Variants in RHOT1 observed in about 807,000 individuals in gnomAD.
RHOT1 encodes ras homolog family member T1, also known as mitochondrial Rho GTPase 1.
RHOT1 carries 27 observed loss-of-function variants against 95.3 expected under a neutral mutation model. That is an observed-to-expected ratio of 0.28 (90% confidence interval 0.21 to 0.39). The LOEUF (loss-of-function observed/expected upper bound fraction) is 0.39, where lower values mean the gene tolerates loss of function less well. RHOT1 is among the 10% of genes least tolerant of loss of function. RHOT1 has a pLI of 1.00. For missense variants in RHOT1, 578 were observed against 786.7 expected (o/e 0.73, Z 3.17); for synonymous variants, 227 against 263.5 (o/e 0.86, Z 1.34).
At chr17:32,200,539 A>G (rs2037234751) in intron 13 of RHOT1, among the ~76,000 whole-genome samples, 1 of 152,062 alleles carries the variant, frequency 6.6e-6, no homozygotes, top group African/African-American at 2.4e-5. Context: ...TGGATGGATC[A>G]CTTGAGCTCA....
At chr17:32,152,731 A>G (rs1246848058) in intron 1 of RHOT1, among the ~76,000 whole-genome samples, 1 of 152,158 alleles carries the variant, frequency 6.6e-6, no homozygotes, top group Non-Finnish European at 1.5e-5. Flanking sequence ...GGATTAAGGA[A>G]CAAGTGCTTT....
intron 8 of RHOT1, among the ~76,000 whole-genome samples, chr17:32,183,692 C>A (rs536301105): frequency 3.3e-5 from 5 of 151,752 alleles, no homozygotes; most frequent in Non-Finnish European, 7.4e-5. Context: ...TGTTTTTTTT[C>A]TTTTGAGACA....
At position 32,154,448 on chromosome 17, in the gene RHOT1, G is replaced by T. The variant is rs2032708656; in HGVS notation, c.37+11719G>T. Among the ~76,000 whole-genome samples, 5 of 151,616 alleles carry T rather than the reference G, an allele frequency of 3.3e-5. No individual in the cohort carries two copies. In the East Asian group the frequency reaches 7.7e-4, roughly 23 times the overall value. On this transcript the variant is annotated intron_variant, in intron 1 of 19. Coordinates refer to ENST00000545287, the MANE Select transcript of RHOT1 (RefSeq NM_001033566.3). ...AAAAATACAAAAAAATTAGCCAGGT[G>T]TGGTGGCAGGCGCCTGTAGTCCCAG...
chr17:32,163,991 A>T (rs1212950626), intron 1 of RHOT1, among the ~76,000 whole-genome samples: 1 of 151,402 alleles, frequency 6.6e-6, no homozygotes, highest in Non-Finnish European at 1.5e-5. Flanking sequence ...CCTGTCTCTA[A>T]TAAAAATACA....
chr17:32,149,664 T>TAC (rs1433344531), intron 1 of RHOT1, among the ~76,000 whole-genome samples: 2 of 133,104 alleles, frequency 1.5e-5, no homozygotes, highest in Non-Finnish European at 3.2e-5. Context: ...TGTGTGTGTA[T>TAC]ACACACATGC....
intron 11 of RHOT1, among the ~76,000 whole-genome samples, chr17:32,195,815 A>T (rs551474442): frequency 1.1e-4 from 16 of 152,332 alleles, no homozygotes; most frequent in African/African-American, 3.6e-4. Flanking sequence ...TAGATTTTTC[A>T]ATAAATATAT....
At chr17:32,223,709 C>T (rs988374026) in intron 19 of RHOT1, among the ~76,000 whole-genome samples, 21 of 151,914 alleles carry the variant, frequency 1.4e-4, no homozygotes, top group African/African-American at 4.6e-4. Flanking sequence ...CCACTGCACC[C>T]GGCCAATTTT....
At chr17:32,175,424 C>T in intron 4 of RHOT1, 62 bp downstream of exon 4, 1 of 1,406,302 alleles carries the variant, frequency 7.1e-7, no homozygotes, top group Non-Finnish European at 1.0e-6. Flanking sequence ...ATTTTATGAG[C>T]CTGCCTTTTT....
At chr17:32,152,742 C>G (rs1287352454) in intron 1 of RHOT1, among the ~76,000 whole-genome samples, 1 of 151,798 alleles carries the variant, frequency 6.6e-6, no homozygotes, top group Non-Finnish European at 1.5e-5. Flanking sequence ...CAAGTGCTTT[C>G]TTGGAAACCA....
chr17:32,206,856 T>G, intron 16 of RHOT1, 54 bp from the exon 17 acceptor site: 1 of 1,262,106 alleles, frequency 7.9e-7, no homozygotes, highest in Non-Finnish European at 1.1e-6. Flanking sequence ...TATCATGACT[T>G]AATATATCAA....
chr17:32,214,151 G>A (rs2038300760), intron 19 of RHOT1, among the ~76,000 whole-genome samples: 1 of 152,158 alleles, frequency 6.6e-6, no homozygotes, highest in East Asian at 1.9e-4. Context: ...GTTTATGAAA[G>A]GTAAGTAAGA....
intron 19 of RHOT1, among the ~76,000 whole-genome samples, chr17:32,214,921 T>TGGG (rs2038369556): frequency 8.2e-6 from 1 of 122,256 alleles, no homozygotes; most frequent in Admixed American, 8.1e-5. Context: ...TTTTTTTTTT[T>TGGG]TTTGAGATGG....
intron 1 of RHOT1, among the ~76,000 whole-genome samples, chr17:32,147,535 T>A (rs2031544228): frequency 6.6e-6 from 1 of 151,916 alleles, no homozygotes; most frequent in Admixed American, 6.6e-5. Context: ...TATTTAAAGA[T>A]TAAACTGGCC....
At chr17:32,194,187 G>T in intron 11 of RHOT1, 80 bp downstream of exon 11, 1 of 1,460,458 alleles carries the variant, frequency 6.8e-7, no homozygotes, top group Non-Finnish European at 9.5e-7. Flanking sequence ...TCCCAGGCTG[G>T]TCTTGAACTC....
Position 32,193,258 on chromosome 17 carries a change from AT to A in RHOT1, c.748+19del, listed in dbSNP as rs761559157. 4 of 1,521,568 alleles carry A rather than the reference AT, an allele frequency of 2.6e-6. No individual in the cohort carries two copies. The African/African-American group carries it at 5.5e-5, about 21-fold the overall frequency. The allele number at this position is 1,521,568 out of a possible 1,614,324, so 94.3% of individuals were successfully genotyped here. On this transcript the variant is annotated intron_variant, in intron 10 of 19. Coordinates refer to ENST00000545287, the MANE Select transcript of RHOT1 (RefSeq NM_001033566.3). ...TGACCCTGAAAGGTGGGTAAATGGT[AT>A]TTTTCCCCCTTTTGAAACTTAATAT... is the stretch of plus-strand genomic sequence containing the variant.
chr17:32,154,311 T>C (rs956492294), intron 1 of RHOT1, among the ~76,000 whole-genome samples: 1 of 145,210 alleles, frequency 6.9e-6, no homozygotes, highest in Non-Finnish European at 1.5e-5. Flanking sequence ...CCAGGCGCAG[T>C]GGCTCACGCC....
chr17:32,150,735 C>T, intron 1 of RHOT1: 2 of 1,602,542 alleles, frequency 1.2e-6, no homozygotes, highest in East Asian at 4.5e-5. Flanking sequence ...GAACTGAGGC[C>T]ACCAGCCTCT....
intron 11 of RHOT1, among the ~76,000 whole-genome samples, chr17:32,195,151 G>A (rs566029402): frequency 1.3e-5 from 2 of 150,820 alleles, no homozygotes; most frequent in East Asian, 3.9e-4. Flanking sequence ...AAGAGACAAG[G>A]TCTCATTTTG....
At chr17:32,178,358 G>T (rs2035209092) in intron 6 of RHOT1, among the ~76,000 whole-genome samples, 1 of 152,074 alleles carries the variant, frequency 6.6e-6, no homozygotes, top group Non-Finnish European at 1.5e-5. Context: ...CTCCTGACTG[G>T]TTTTTGTATT....
Sources: allele counts gnomAD v4.1 joint callset (sites outside exome capture counted in the v4.1 genomes callset), GRCh38; gene constraint gnomAD v4.1.1; transcripts MANE v1.5; gene names NCBI Gene and HGNC (gene_info 2026-07-23, HGNC 2026-07-21).